C2orf69: variants seen among roughly 807,000 people sequenced by gnomAD.
C2orf69 encodes the protein chromosome 2 open reading frame 69.
In C2orf69, 19 loss-of-function variants were observed where a neutral mutation model predicts 29.5. The observed-to-expected ratio is 0.65, with a 90% confidence interval of 0.45 to 0.95. The LOEUF (loss-of-function observed/expected upper bound fraction) is 0.95. Ranked by LOEUF, C2orf69 falls within the 40% of genes least tolerant of loss-of-function variation. The pLI, the probability that C2orf69 is intolerant of heterozygous loss-of-function variation, is 0.00. For missense variants in C2orf69, 416 were observed against 482.1 expected (o/e 0.86, Z 1.28); for synonymous variants, 194 against 180.0 (o/e 1.08, Z -0.62).
chr2:199,922,169 C>CA (rs1559294717), intron 1 of C2orf69, among the ~76,000 whole-genome samples: 1 of 151,312 alleles, frequency 6.6e-6, no homozygotes, highest in Non-Finnish European at 1.5e-5. Context: ...AATCTCAGCT[C>CA]ACAGCAACCT....
intron 1 of C2orf69, among the ~76,000 whole-genome samples, chr2:199,915,520 T>C (rs552092661): frequency 1.8e-4 from 27 of 151,862 alleles, no homozygotes; most frequent in South Asian, 8.3e-4. Context: ...TTTTTTTTTT[T>C]CCTTGAGATG....
chr2:199,922,383 C>T (rs1010153673), intron 1 of C2orf69, among the ~76,000 whole-genome samples: 5 of 152,038 alleles, frequency 3.3e-5, no homozygotes, highest in Admixed American at 3.3e-4. Context: ...CGTGAACCGC[C>T]GCCCCCAGCC....
intron 1 of C2orf69, among the ~76,000 whole-genome samples, chr2:199,913,415 T>G (rs1476574581): frequency 1.3e-5 from 1 of 78,328 alleles, no homozygotes; most frequent in Non-Finnish European, 2.4e-5. Flanking sequence ...ATAATATATA[T>G]TCTATTATAT....
At chr2:199,915,735 T>C (rs1210409500) in intron 1 of C2orf69, among the ~76,000 whole-genome samples, 2 of 152,030 alleles carry the variant, frequency 1.3e-5, no homozygotes, top group Non-Finnish European at 2.9e-5. Context: ...CAGGCTGGTC[T>C]CAAACTCCTG....
chr2:199,923,362 T>C (rs751403918), intron 1 of C2orf69, among the ~76,000 whole-genome samples: 3 of 152,228 alleles, frequency 2.0e-5, no homozygotes, highest in Admixed American at 6.5e-5. Context: ...ACTTAAAATG[T>C]TGTTAGTCTA....
At position 199,927,771 on chromosome 2, in the gene C2orf69, A is replaced by G. The variant is rs2077341496; in HGVS notation, c.*1885A>G. On this transcript the variant is annotated 3_prime_UTR_variant, in exon 2 of 2. Transcript: ENST00000319974. ...TCCTTGGCTAAATTCACATGTATCT[A>G]AAGGAAAATAGCTGAGTTACTGAAT... The G allele has an allele frequency of 6.6e-6, 1 of 152,100 alleles. No homozygotes were observed. The highest frequency in any genetic ancestry group is 6.6e-5 in the Admixed American group (1 of 15,264). 9.4% of individuals were successfully genotyped at this position (152,100 alleles called of 1,614,324 possible). A position where few individuals can be genotyped will look rare whatever the true frequency, so the allele number is the denominator to read the frequency against.
chr2:199,921,931 A>G (rs1443400277), intron 1 of C2orf69, among the ~76,000 whole-genome samples: 1 of 150,362 alleles, frequency 6.7e-6, no homozygotes, highest in Non-Finnish European at 1.5e-5. Context: ...GCATGTTGCT[A>G]AAAGTTCAGA....
At chr2:199,913,879 T>C (rs773824770) in intron 1 of C2orf69, among the ~76,000 whole-genome samples, 1 of 152,148 alleles carries the variant, frequency 6.6e-6, no homozygotes, top group African/African-American at 2.4e-5. Flanking sequence ...CCAGGATATA[T>C]AGTACAAGTC....
chr2:199,911,370 G>A lies in C2orf69; in HGVS notation c.-69G>A. On this transcript the variant is annotated 5_prime_UTR_variant, in exon 1 of 2. Coordinates refer to ENST00000319974, the MANE Select transcript of C2orf69 (RefSeq NM_153689.6). ...CGTTGAGCCGCCGGCTGAGCCGCCT[G>A]CTGAAGTCCCTCCCTCAGGAACCCC... 1 of 1,389,016 alleles carries A rather than the reference G, an allele frequency of 7.2e-7. No homozygotes were observed. Among genetic ancestry groups the A allele is most frequent in the Non-Finnish European group, 9.3e-7 (1 of 1,077,242 alleles). 86.0% of individuals were successfully genotyped at this position (1,389,016 alleles called of 1,614,324 possible). A position where few individuals can be genotyped will look rare whatever the true frequency, so the allele number is the denominator to read the frequency against.
At position 199,926,113 on chromosome 2, in the gene C2orf69, A is replaced by G; in HGVS notation, c.*227A>G. 5 of 475,970 alleles carry G rather than the reference A, an allele frequency of 1.1e-5. No individual in the cohort carries two copies. The highest frequency in any genetic ancestry group is 1.9e-5 in the Non-Finnish European group (5 of 266,298). 29.5% of individuals were successfully genotyped at this position (475,970 alleles called of 1,614,324 possible). The stretch of plus-strand genomic sequence containing the variant: ...TTAGAATTAGTTAATTTGAAATCTA[A>G]CAAGGTGGTTTGTAATAATGCTGAG... On this transcript the variant is annotated 3_prime_UTR_variant, in exon 2 of 2. Coordinates refer to ENST00000319974, the MANE Select transcript of C2orf69 (RefSeq NM_153689.6).
intron 1 of C2orf69, among the ~76,000 whole-genome samples, chr2:199,913,783 C>T (rs1235998806): frequency 3.3e-5 from 5 of 151,644 alleles, no homozygotes; most frequent in Admixed American, 3.3e-4. Flanking sequence ...TTTTGTGGAA[C>T]AATTACTGCA....
rs528357621 is a variant in C2orf69 at position 199,926,986 on chromosome 2, A to G, written c.*1100A>G. On this transcript the variant is annotated 3_prime_UTR_variant, in exon 2 of 2. Transcript: ENST00000319974. ...GAAGCATGATTTTGTCTGCCAAAAG[A>G]AAATAGCTCTCTTTGGCCAAAATGC... is the stretch of plus-strand genomic sequence containing the variant. 9 of 152,764 alleles carry G rather than the reference A, an allele frequency of 5.9e-5. No homozygotes were observed. The South Asian group carries it at 1.0e-3, about 18-fold the overall frequency. 9.5% of individuals were successfully genotyped at this position (152,764 alleles called of 1,614,324 possible).
At chr2:199,913,212 A>ATT (rs1489766794) in intron 1 of C2orf69, among the ~76,000 whole-genome samples, 6 of 86,836 alleles carry the variant, frequency 6.9e-5, no homozygotes, top group Admixed American at 3.6e-4. Context: ...TATATAATAT[A>ATT]TTATATATAA....
chr2:199,922,427 A>C (rs1204066174), intron 1 of C2orf69, among the ~76,000 whole-genome samples: 1 of 152,120 alleles, frequency 6.6e-6, no homozygotes. Context: ...ATGGTTGCAT[A>C]GTGTACTGGA....
At chr2:199,913,379 ATT>A (rs368050850) in intron 1 of C2orf69, among the ~76,000 whole-genome samples, 15,354 of 80,944 alleles carry the variant, frequency 0.19, 2,892 homozygotes, top group South Asian at 0.3. Context: ...TATGATATAT[ATT>A]ATATATAATA....
intron 1 of C2orf69, among the ~76,000 whole-genome samples, chr2:199,921,097 C>T (rs2077314291): frequency 1.4e-5 from 2 of 141,714 alleles, no homozygotes; most frequent in Non-Finnish European, 3.0e-5. Context: ...ACCTCCACCT[C>T]CTGGGTTCAA....
intron 1 of C2orf69, among the ~76,000 whole-genome samples, chr2:199,912,417 C>G (rs2077268231): frequency 6.6e-6 from 1 of 152,156 alleles, no homozygotes; most frequent in African/African-American, 2.4e-5. Context: ...GTTGCATTAT[C>G]TAATATGGTA....
At position 199,923,357 on chromosome 2, in the gene C2orf69, A is replaced by C. The variant is rs1017044183; in HGVS notation, c.334-1705A>C. Among the ~76,000 whole-genome samples the C allele has an allele frequency of 3.9e-5, 6 of 152,216 alleles. No homozygotes were observed. In the East Asian group the frequency reaches 1.2e-3, roughly 29 times the overall value. On this transcript the variant is annotated intron_variant, in intron 1 of 1. Coordinates refer to ENST00000319974, the MANE Select transcript of C2orf69 (RefSeq NM_153689.6). ...ATCACTTGTGGCTATTGCCTACTTA[A>C]AATGTTGTTAGTCTACTTGAGGAAC...
chr2:199,912,240 A>G (rs1354241553), intron 1 of C2orf69, among the ~76,000 whole-genome samples: 1 of 152,176 alleles, frequency 6.6e-6, no homozygotes, highest in Admixed American at 6.6e-5. Context: ...TAACCCTAAA[A>G]AAGAGTGGGG....
Sources: gnomAD v4.1 joint callset for allele counts (sites outside exome capture counted in the v4.1 genomes callset) on GRCh38, gnomAD v4.1.1 for gene constraint, MANE v1.5 for transcripts, NCBI Gene and HGNC (gene_info 2026-07-23, HGNC 2026-07-21) for gene names.